Variants in EXPH5 observed in about 807,000 individuals in gnomAD.
EXPH5 encodes exophilin 5, also known as exophilin-5.
EXPH5 carries 42 observed loss-of-function variants against 41.1 expected under a neutral mutation model. The observed-to-expected ratio is 1.02, with a 90% CI of 0.80 to 1.32. The LOEUF (loss-of-function observed/expected upper bound fraction) is 1.32, where lower values mean the gene tolerates loss of function less well. Ranked by LOEUF, EXPH5 falls within the 40% of genes most tolerant of loss-of-function variation. The pLI, the probability that EXPH5 is intolerant of heterozygous loss-of-function variation, is 0.00. For missense variants in EXPH5, 2,298 were observed against 2,314.5 expected, an observed-to-expected ratio of 0.99 and a Z score of 0.15; for synonymous variants, 798 against 833.5, an observed-to-expected ratio of 0.96 and a Z score of 0.73.
chr11:108,558,464 A>C (rs565013341), intron 1 of EXPH5, among the ~76,000 whole-genome samples: 40 of 152,290 alleles, frequency 2.6e-4, no homozygotes, highest in South Asian at 2.1e-3. Context: ...GAATGTGGTC[A>C]ACAAGTCCAT....
chr11:108,543,556 T>C (rs2093923490), intron 1 of EXPH5, among the ~76,000 whole-genome samples: 1 of 152,178 alleles, frequency 6.6e-6, no homozygotes, highest in South Asian at 2.1e-4. Flanking sequence ...TCAGCAGCTG[T>C]TATCCTTTGT....
In EXPH5 at chr11:108,511,822, C is replaced by G. The variant is rs762724378; in HGVS notation, c.3685G>C (p.Val1229Leu). ...GKERGKTLHK[V>L]KTTSTFSVSG... ...ACAGAAAACGTACTAGTCGTCTTAA[C>G]TTTATGTAATGTTTTCCCACGTTCT... is the stretch of plus-strand genomic sequence containing the variant. Residue 1229 changes from valine (V) to leucine (L), a missense_variant, in exon 6 of 6, where the codon GTT (valine) becomes CTT (leucine). Val to Leu is a conservative substitution (Grantham distance 32). Transcript: ENST00000265843. 1.3e-5 allele frequency: 20 copies of G among 1,598,996 alleles called. No individual in the cohort carries two copies. In the East Asian group the frequency reaches 4.2e-4, roughly 34 times the overall value.
At chr11:108,545,507 C>T (rs2093933928) in intron 1 of EXPH5, among the ~76,000 whole-genome samples, 1 of 152,124 alleles carries the variant, frequency 6.6e-6, no homozygotes, top group South Asian at 2.1e-4. Context: ...CTTATTCACT[C>T]AGCACACATT....
chr11:108,528,889 G>T (rs1591695174), intron 3 of EXPH5, among the ~76,000 whole-genome samples: 1 of 151,710 alleles, frequency 6.6e-6, no homozygotes, highest in East Asian at 1.9e-4. Context: ...TTTTAGTAGA[G>T]ATGGGTTTTC....
intron 1 of EXPH5, among the ~76,000 whole-genome samples, chr11:108,564,507 G>A (rs1186034925): frequency 6.6e-6 from 1 of 151,930 alleles, no homozygotes; most frequent in Non-Finnish European, 1.5e-5. Context: ...TCTCTGTACT[G>A]TAACATATGA....
At chr11:108,546,720 A>G (rs1340296033) in intron 1 of EXPH5, among the ~76,000 whole-genome samples, 1 of 152,104 alleles carries the variant, frequency 6.6e-6, no homozygotes, top group Admixed American at 6.5e-5. Context: ...TCCTTTATTT[A>G]TTACTCTCCT....
intron 1 of EXPH5, among the ~76,000 whole-genome samples, chr11:108,573,970 C>T (rs1399882368): frequency 2.0e-5 from 3 of 152,006 alleles, no homozygotes; most frequent in African/African-American, 4.8e-5. Flanking sequence ...GGCACGATCT[C>T]GGCTCACTGC....
chr11:108,556,859 T>C (rs1002603054), intron 1 of EXPH5, among the ~76,000 whole-genome samples: 2 of 152,220 alleles, frequency 1.3e-5, no homozygotes, highest in African/African-American at 4.8e-5. Context: ...CAGCTTCTCA[T>C]CATGCTTAGA....
rs776684917 is a variant in EXPH5 at position 108,593,691 on chromosome 11, G to T, written c.-155C>A. 3.9e-6 allele frequency: 6 copies of T among 1,548,972 alleles called. No homozygotes were observed. Among genetic ancestry groups the T allele is most frequent in the Non-Finnish European group, 5.2e-6 (6 of 1,149,644 alleles). On this transcript the variant is annotated 5_prime_UTR_variant, in exon 1 of 6. Coordinates refer to ENST00000265843, the MANE Select transcript of EXPH5 (RefSeq NM_015065.3). Reference sequence around the variant, plus strand: ...GTCTAAAACCACAAACCTAGGGAACGCCCACACCTGAAGGGCTCATATTGA... The same window carrying T: ...GTCTAAAACCACAAACCTAGGGAACTCCCACACCTGAAGGGCTCATATTGA...
At chr11:108,574,047 G>A (rs544881935) in intron 1 of EXPH5, among the ~76,000 whole-genome samples, 116 of 151,016 alleles carry the variant, frequency 7.7e-4, no homozygotes, top group African/African-American at 2.7e-3. Context: ...GACTACAGGC[G>A]TTCGCCACCA....
rs2093661342 is a variant in EXPH5, at chr11:108,509,386, G to A, written c.*151C>T. ...CTAGCATTCAGGAAGTGTCTATATA[G>A]GGTGTGGAGGAAAAAAAAGGAGATG... On this transcript the variant is annotated 3_prime_UTR_variant, in exon 6 of 6. Coordinates refer to ENST00000265843, the MANE Select transcript of EXPH5 (RefSeq NM_015065.3). 1 of 610,098 alleles carries A rather than the reference G, an allele frequency of 1.6e-6. No homozygotes were observed. Among genetic ancestry groups the A allele is most frequent in the South Asian group, 2.9e-5 (1 of 34,606 alleles). 37.8% of individuals were successfully genotyped at this position (610,098 alleles called of 1,614,324 possible).
intron 1 of EXPH5, among the ~76,000 whole-genome samples, chr11:108,573,750 G>A (rs34720368): frequency 0.11 from 16,263 of 152,048 alleles, 1,210 homozygotes; most frequent in African/African-American, 0.2. Context: ...AAATTAAGAC[G>A]AAGTGAATAT....
At chr11:108,597,972 C>A (rs1020609030), upstream of EXPH5, among the ~76,000 whole-genome samples, 1 of 152,092 alleles carries the variant, frequency 6.6e-6, no homozygotes, top group African/African-American at 2.4e-5. Context: ...GATGTTCCTG[C>A]GCTCAAAACG....
At position 108,578,730 on chromosome 11, in the gene EXPH5, A is replaced by G. The variant is rs77138676; in HGVS notation, c.119+14688T>C. Among the ~76,000 whole-genome samples the G allele has an allele frequency of 4.6e-3, 700 of 152,186 alleles. 8 individuals carry two copies. The highest frequency in any genetic ancestry group is 0.015 in the African/African-American group (628 of 41,538). On this transcript the variant is annotated intron_variant, in intron 1 of 5. Transcript: ENST00000265843. ...CTATCATCAGCGTTTTATAGTTTTC[A>G]TTGTAGAGATCTTTCAGTTCTTTGG...
At chr11:108,548,722 C>T (rs1021994594) in intron 1 of EXPH5, among the ~76,000 whole-genome samples, 3 of 152,170 alleles carry the variant, frequency 2.0e-5, no homozygotes, top group African/African-American at 7.2e-5. Context: ...CCTACACACC[C>T]AAGAGCCCTA....
chr11:108,597,327 AG>A (rs1399095188), upstream of EXPH5, among the ~76,000 whole-genome samples: 1 of 152,124 alleles, frequency 6.6e-6, no homozygotes, highest in Non-Finnish European at 1.5e-5. Flanking sequence ...CCTCCCAATT[AG>A]GTGGGATTAC....
At chr11:108,559,615 C>A (rs1482621423) in intron 1 of EXPH5, among the ~76,000 whole-genome samples, 1 of 152,180 alleles carries the variant, frequency 6.6e-6, no homozygotes, top group Non-Finnish European at 1.5e-5. Context: ...AGTTAGGTAA[C>A]AAGATAGAAT....
Position 108,511,006 on chromosome 11 carries a change from A to G in EXPH5, c.4501T>C (p.Ser1501Pro), listed in dbSNP as rs750273457. 19 of 1,614,034 alleles carry G rather than the reference A, an allele frequency of 1.2e-5. No individual in the cohort carries two copies. The highest frequency in any genetic ancestry group is 1.5e-5 in the Non-Finnish European group (18 of 1,180,018). ...NCQKMTNKTLSHSESQVFALT... is the reference protein window; with the variant it reads ...NCQKMTNKTLPHSESQVFALT... ...GCAAAGACTTGACTCTCTGAGTGAG[A>G]AAGTGTTTTATTAGTCATTTTTTGG... Residue 1501 changes from serine to proline, a missense_variant, in exon 6 of 6, where the codon TCT (serine) becomes CCT (proline). Transcript: ENST00000265843.
intron 1 of EXPH5, among the ~76,000 whole-genome samples, chr11:108,579,976 AG>A (rs2094092913): frequency 6.6e-6 from 1 of 152,198 alleles, no homozygotes; most frequent in Non-Finnish European, 1.5e-5. Flanking sequence ...GAAATACTTC[AG>A]GACATTGGTC....
Sources: gnomAD v4.1 joint callset for allele counts (sites outside exome capture counted in the v4.1 genomes callset) on GRCh38, gnomAD v4.1.1 for gene constraint, MANE v1.5 for transcripts, NCBI Gene and HGNC (gene_info 2026-07-23, HGNC 2026-07-21) for gene names.